Variants in PLXDC2 observed in about 807,000 individuals in gnomAD.
PLXDC2 encodes plexin domain-containing protein 2.
In PLXDC2, 40 loss-of-function variants were observed where a neutral mutation model predicts 68.9. That is an observed-to-expected ratio of 0.58 (90% CI 0.45 to 0.76). The LOEUF (loss-of-function observed/expected upper bound fraction) is 0.76, where lower values mean the gene tolerates loss of function less well. PLXDC2 is among the 30% of genes least tolerant of loss of function. The pLI is 0.00. For missense variants in PLXDC2, 644 were observed against 661.9 expected (o/e 0.97, Z 0.30); for synonymous variants, 243 against 234.2 (o/e 1.04, Z -0.34).
intron 2 of PLXDC2, among the ~76,000 whole-genome samples, chr10:20,016,857 G>T (rs1835221448): frequency 6.6e-6 from 1 of 152,184 alleles, no homozygotes; most frequent in Non-Finnish European, 1.5e-5. Context: ...ACTCCTTGCG[G>T]AATTCTGGAA....
chr10:19,896,896 A>G (rs1460474351), intron 1 of PLXDC2, among the ~76,000 whole-genome samples: 6 of 152,144 alleles, frequency 3.9e-5, no homozygotes, highest in African/African-American at 1.4e-4. Flanking sequence ...CCCAAAATGT[A>G]TCCATCTGTC....
intron 13 of PLXDC2, among the ~76,000 whole-genome samples, chr10:20,245,941 A>G (rs1375445253): frequency 1.3e-5 from 2 of 152,230 alleles, no homozygotes; most frequent in African/African-American, 4.8e-5. Context: ...CCTCTTCTCA[A>G]AATGCTCACA....
At chr10:19,951,614 G>GTT (rs1833994020) in intron 1 of PLXDC2, among the ~76,000 whole-genome samples, 2 of 152,162 alleles carry the variant, frequency 1.3e-5, no homozygotes, top group Non-Finnish European at 2.9e-5. Context: ...ACTTAAAACA[G>GTT]AACTATCATT....
chr10:20,133,382 G>A (rs996318216), intron 4 of PLXDC2, among the ~76,000 whole-genome samples: 5 of 152,066 alleles, frequency 3.3e-5, no homozygotes, highest in African/African-American at 9.7e-5. Context: ...TTCTTGTGAG[G>A]TAGTCCTAAT....
At chr10:19,880,498 C>G (rs1210623444) in intron 1 of PLXDC2, among the ~76,000 whole-genome samples, 1 of 152,220 alleles carries the variant, frequency 6.6e-6, no homozygotes, top group Non-Finnish European at 1.5e-5. Flanking sequence ...CTCTTTCTCT[C>G]TCTCTCAAGA....
intron 1 of PLXDC2, among the ~76,000 whole-genome samples, chr10:19,976,851 AT>A (rs1834465804): frequency 8.0e-6 from 1 of 125,248 alleles, no homozygotes; most frequent in South Asian, 2.5e-4. Flanking sequence ...TCTTGTCCTT[AT>A]TTTTTCCGTT....
chr10:19,880,769 A>T (rs1293032712), intron 1 of PLXDC2, among the ~76,000 whole-genome samples: 1 of 152,050 alleles, frequency 6.6e-6, no homozygotes, highest in African/African-American at 2.4e-5. Flanking sequence ...ACCTTACATC[A>T]TGCTGTTATT....
chr10:20,266,594 G>A (rs747500866), intron 13 of PLXDC2, among the ~76,000 whole-genome samples: 12 of 152,088 alleles, frequency 7.9e-5, no homozygotes, highest in Non-Finnish European at 1.8e-4. Flanking sequence ...AACAATTCAT[G>A]GTGTTTCAGT....
At chr10:20,242,333 T>C (rs1056665773) in intron 12 of PLXDC2, among the ~76,000 whole-genome samples, 2 of 152,170 alleles carry the variant, frequency 1.3e-5, no homozygotes, top group Non-Finnish European at 2.9e-5. Context: ...ATATAAAAAG[T>C]ATGATAATAA....
intron 10 of PLXDC2, among the ~76,000 whole-genome samples, chr10:20,216,792 A>G (rs541175796): frequency 2.0e-5 from 3 of 152,052 alleles, no homozygotes; most frequent in African/African-American, 7.2e-5. Flanking sequence ...AAAATTCACT[A>G]TGTCTCATTT....
At chr10:19,967,580 G>A (rs780385113) in intron 1 of PLXDC2, among the ~76,000 whole-genome samples, 7 of 152,064 alleles carry the variant, frequency 4.6e-5, no homozygotes, top group African/African-American at 1.4e-4. Flanking sequence ...ATAAACATAA[G>A]AGGAGATTAA....
rs1836178811 is a variant in PLXDC2, at chr10:20,287,971, T to C, written c.*8152T>C. On this transcript the variant is annotated 3_prime_UTR_variant, in exon 14 of 14. Coordinates refer to ENST00000377252, the MANE Select transcript of PLXDC2 (RefSeq NM_032812.9). The stretch of plus-strand genomic sequence containing the variant: ...GTGAAAAGAGAAGAAATTGGGCACT[T>C]CTTGCGGCGGGGGAGGGGGGGGGGG... The C allele has an allele frequency of 9.1e-5, 1 of 10,960 alleles. No individual in the cohort carries two copies. The highest frequency in any genetic ancestry group is 5.0e-3 in the South Asian group (1 of 202). 0.7% of individuals were successfully genotyped at this position (10,960 alleles called of 1,614,324 possible).
At chr10:20,250,488 CTG>C (rs1444274242) in intron 13 of PLXDC2, among the ~76,000 whole-genome samples, 2 of 152,208 alleles carry the variant, frequency 1.3e-5, no homozygotes, top group African/African-American at 4.8e-5. Context: ...CTCATGAAGA[CTG>C]TGTGTGTTAC....
At chr10:19,918,377 A>G (rs1305467332) in intron 1 of PLXDC2, among the ~76,000 whole-genome samples, 3 of 152,194 alleles carry the variant, frequency 2.0e-5, no homozygotes, top group Admixed American at 6.5e-5. Flanking sequence ...CTAAGTGACG[A>G]GAAGAACAGG....
intron 13 of PLXDC2, among the ~76,000 whole-genome samples, chr10:20,274,538 A>G (rs1171676060): frequency 6.6e-6 from 1 of 152,164 alleles, no homozygotes; most frequent in African/African-American, 2.4e-5. Flanking sequence ...CTGACGCAGG[A>G]AAATAAGGCA....
chr10:20,022,138 A>G (rs77286484), intron 2 of PLXDC2, among the ~76,000 whole-genome samples: 2,382 of 152,318 alleles, frequency 0.016, 63 homozygotes, highest in African/African-American at 0.052. Context: ...ATATCTGTTT[A>G]TCAACTGTCA....
chr10:20,283,958 C>G lies in PLXDC2; in HGVS notation c.*4139C>G, dbSNP rs572414696. The G allele has an allele frequency of 6.6e-6, 1 of 152,156 alleles. No homozygotes were observed. The highest frequency in any genetic ancestry group is 2.1e-4 in the South Asian group (1 of 4,822). 9.4% of individuals were successfully genotyped at this position (152,156 alleles called of 1,614,324 possible). ...AGGTTAGTATCATTTATCAGTTTTT[C>G]GCAACAGATTCTTATGTTACATCTT... On this transcript the variant is annotated 3_prime_UTR_variant, in exon 14 of 14. Coordinates refer to ENST00000377252, the MANE Select transcript of PLXDC2 (RefSeq NM_032812.9).
intron 1 of PLXDC2, among the ~76,000 whole-genome samples, chr10:19,969,636 T>C (rs528739174): frequency 2.0e-5 from 3 of 152,342 alleles, no homozygotes; most frequent in Non-Finnish European, 2.9e-5. Context: ...TAGAGTCCTT[T>C]GGACATACCA....
chr10:19,966,777 G>C (rs1290992885), intron 1 of PLXDC2, among the ~76,000 whole-genome samples: 2 of 151,036 alleles, frequency 1.3e-5, no homozygotes, highest in Non-Finnish European at 2.9e-5. Flanking sequence ...TTGAGAACAG[G>C]CCTCCTGGGA....
Sources: gnomAD v4.1 joint callset for allele counts (sites outside exome capture counted in the v4.1 genomes callset) on GRCh38, gnomAD v4.1.1 for gene constraint, MANE v1.5 for transcripts, NCBI Gene and HGNC (gene_info 2026-07-23, HGNC 2026-07-21) for gene names.